Variants in PCDHGB7 observed in about 807,000 individuals in gnomAD.
The protein encoded by PCDHGB7 is protocadherin gamma subfamily B, 7, also known as protocadherin gamma-B7.
A neutral mutation model predicts 61.4 loss-of-function variants in PCDHGB7; 37 were observed. That is an observed-to-expected ratio of 0.60 (90% CI 0.46 to 0.79). The LOEUF is 0.79. Among genes scored for constraint, PCDHGB7 ranks in the 30% least tolerant of loss-of-function variants. PCDHGB7 has a pLI of 0.00. For missense variants in PCDHGB7, 1,166 were observed against 1,202.5 expected, an observed-to-expected ratio of 0.97 and a Z score of 0.45; for synonymous variants, 464 against 503.5, an observed-to-expected ratio of 0.92 and a Z score of 1.05.
chr5:141,481,970 A>G (rs2099549884), intron 1 of PCDHGB7, among the ~76,000 whole-genome samples: 1 of 151,510 alleles, frequency 6.6e-6, no homozygotes, highest in Non-Finnish European at 1.5e-5. Flanking sequence ...CTGTAGTCAC[A>G]GCTACTTGGG....
At chr5:141,431,000 A>G (rs1272572092) in intron 1 of PCDHGB7, 4 of 1,613,898 alleles carry the variant, frequency 2.5e-6, no homozygotes, top group African/African-American at 1.3e-5. Flanking sequence ...GAATCCGCGC[A>G]GCGGCAGCTT....
chr5:141,428,305 G>T (rs751498223), intron 1 of PCDHGB7: 8 of 694,348 alleles, frequency 1.2e-5, no homozygotes. Flanking sequence ...GATTTACCTG[G>T]TCGTGGCCTT....
chr5:141,441,672 GCCTTCGA>G (rs1327551430), intron 1 of PCDHGB7: 1 of 290,468 alleles, frequency 3.4e-6, no homozygotes, highest in Non-Finnish European at 6.8e-6. Flanking sequence ...CGCACAGTGC[GCCTTCGA>G]CCAAGAGCAG....
In PCDHGB7 at chr5:141,419,276, C is replaced by G. The variant is rs1361651445; in HGVS notation, c.1417C>G (p.Gln473Glu). ...CAACCAGCCGGGTGCCTCCATAGCG[C>G]AAGTCAGTGCCTCTGACCCAGACTT... is the stretch of plus-strand genomic sequence containing the variant. ...ENNQPGASIA[Q>E]VSASDPDFGL... The change falls in exon 1 of 4, where the codon CAA (glutamine) becomes GAA (glutamate). Residue 473 changes from glutamine to glutamate, a missense_variant. Coordinates refer to ENST00000398594, the MANE Select transcript of PCDHGB7 (RefSeq NM_018927.4). 6.2e-7 allele frequency: 1 copy of G among 1,613,920 alleles called. No individual in the cohort carries two copies. The highest frequency in any genetic ancestry group is 1.3e-5 in the African/African-American group (1 of 74,942).
At position 141,417,757 on chromosome 5, in the gene PCDHGB7, G is replaced by A; in HGVS notation, c.-103G>A. On this transcript the variant is annotated 5_prime_UTR_variant, in exon 1 of 4. Coordinates refer to ENST00000398594, the MANE Select transcript of PCDHGB7 (RefSeq NM_018927.4). Reference sequence around the variant, plus strand: ...CAGCACACCAGATTGCCAGCTCCGAGACCCGGGACTCCTCCTGTCCTGGGC... The same window carrying A: ...CAGCACACCAGATTGCCAGCTCCGAAACCCGGGACTCCTCCTGTCCTGGGC... The A allele has an allele frequency of 7.0e-7, 1 of 1,435,144 alleles. No individual in the cohort carries two copies. The highest frequency in any genetic ancestry group is 9.2e-7 in the Non-Finnish European group (1 of 1,090,762). The allele number at this position is 1,435,144 out of a possible 1,614,324, so 88.9% of individuals were successfully genotyped here.
chr5:141,447,164 G>T (rs2098528799), intron 1 of PCDHGB7, among the ~76,000 whole-genome samples: 1 of 151,766 alleles, frequency 6.6e-6, no homozygotes, highest in South Asian at 2.1e-4. Context: ...GTTTAAGCGG[G>T]GTCTTGCTCT....
At chr5:141,433,034 C>T in intron 1 of PCDHGB7, 1 of 1,614,184 alleles carries the variant, frequency 6.2e-7, no homozygotes. Flanking sequence ...CGAGGTTTCC[C>T]TCACCACGGA....
In PCDHGB7 at chr5:141,432,877, C is replaced by T. The variant is rs375043811; in HGVS notation, c.2415+12603C>T. 108 of 1,614,082 alleles carry T rather than the reference C, an allele frequency of 6.7e-5. No homozygotes were observed. Among genetic ancestry groups the T allele is most frequent in the Non-Finnish European group, 7.6e-5 (90 of 1,180,018 alleles). On this transcript the variant is annotated intron_variant, in intron 1 of 3. Coordinates refer to ENST00000398594, the MANE Select transcript of PCDHGB7 (RefSeq NM_018927.4). The surrounding 1 kb of genome is among the most constrained non-coding windows in gnomAD (Gnocchi z 6.0). Reference sequence around the variant, plus strand: ...CCGCGGTCTCCTGCGTCTTCCTGGCCTTCGTCATCTTGCTGCTGGCGCTCA... The same window carrying T: ...CCGCGGTCTCCTGCGTCTTCCTGGCTTTCGTCATCTTGCTGCTGGCGCTCA...
intron 1 of PCDHGB7, among the ~76,000 whole-genome samples, chr5:141,460,684 T>C (rs1417815686): frequency 6.6e-6 from 1 of 152,074 alleles, no homozygotes; most frequent in Non-Finnish European, 1.5e-5. Context: ...TATCTATATA[T>C]CCACCAACAG....
chr5:141,508,725 G>C (rs1447443196), intron 3 of PCDHGB7, among the ~76,000 whole-genome samples: 1 of 151,788 alleles, frequency 6.6e-6, no homozygotes, highest in Non-Finnish European at 1.5e-5. Flanking sequence ...TGTGCAGGGA[G>C]ACTACACCCC....
At chr5:141,451,779 G>T (rs1284464259) in intron 1 of PCDHGB7, among the ~76,000 whole-genome samples, 1 of 152,070 alleles carries the variant, frequency 6.6e-6, no homozygotes, top group Non-Finnish European at 1.5e-5. Flanking sequence ...TACTCAGGAG[G>T]CTGAGGCCAG....
At chr5:141,434,194 GTACT>G (rs527775432) in intron 1 of PCDHGB7, among the ~76,000 whole-genome samples, 169 of 152,308 alleles carry the variant, frequency 1.1e-3, no homozygotes, top group African/African-American at 3.9e-3. Flanking sequence ...TAATTCCAAT[GTACT>G]TACTTCTGTC....
chr5:141,423,085 G>A, intron 1 of PCDHGB7: 1 of 1,614,072 alleles, frequency 6.2e-7, no homozygotes, highest in Non-Finnish European at 8.5e-7. Flanking sequence ...ACTCTTCGCG[G>A]TGGGGGAGCA....
intron 2 of PCDHGB7, among the ~76,000 whole-genome samples, chr5:141,497,552 T>C (rs2099777669): frequency 6.6e-6 from 1 of 151,386 alleles, no homozygotes; most frequent in Non-Finnish European, 1.5e-5. Context: ...TTTTTTTTTT[T>C]TTTTTTAGAC....
chr5:141,425,956 C>T (rs1221085532), intron 1 of PCDHGB7, among the ~76,000 whole-genome samples: 1 of 152,244 alleles, frequency 6.6e-6, no homozygotes, highest in Non-Finnish European at 1.5e-5. Flanking sequence ...ATACATTAGT[C>T]CAACACATCA....
chr5:141,470,870 G>GT (rs1230952624), intron 1 of PCDHGB7, among the ~76,000 whole-genome samples: 1 of 151,546 alleles, frequency 6.6e-6, no homozygotes, highest in Non-Finnish European at 1.5e-5. Context: ...TTGTTTGTTT[G>GT]TTTTTTTGTT....
rs1308930168 is a variant in PCDHGB7, at chr5:141,489,620, A to G, written c.2416-5187A>G. 2.5e-6 allele frequency: 4 copies of G among 1,614,058 alleles called. No individual in the cohort carries two copies. Among genetic ancestry groups the G allele is most frequent in the South Asian group, 2.2e-5 (2 of 91,072 alleles). The stretch of plus-strand genomic sequence containing the variant: ...GTAGAGGTAGAGATCCTGGATCTCA[A>G]TGACAACTCTCCTAGCTTTGCCACC... On this transcript the variant is annotated intron_variant, in intron 1 of 3. Transcript: ENST00000398594. This position sits in a 1 kb window ranked among gnomAD's most constrained non-coding sequence, Gnocchi z 4.5.
chr5:141,494,100 G>A (rs559145191), intron 1 of PCDHGB7, among the ~76,000 whole-genome samples: 7 of 152,270 alleles, frequency 4.6e-5, no homozygotes, highest in South Asian at 2.1e-4. Flanking sequence ...ATTTTTCTCC[G>A]TCTCAGACAG....
Position 141,432,248 on chromosome 5 carries a change from C to T in PCDHGB7, c.2415+11974C>T. Reference sequence around the variant, plus strand: ...TTATTCCCTGGCTGAGAACACCATCCAAGGGGCAAGCCTATCGTCCTACGT... The same window carrying T: ...TTATTCCCTGGCTGAGAACACCATCTAAGGGGCAAGCCTATCGTCCTACGT... On this transcript the variant is annotated intron_variant, in intron 1 of 3. Transcript: ENST00000398594. This position sits in a 1 kb window ranked among gnomAD's most constrained non-coding sequence, Gnocchi z 6.0. 1.2e-6 allele frequency: 2 copies of T among 1,614,244 alleles called. No individual in the cohort carries two copies. Among genetic ancestry groups the T allele is most frequent in the South Asian group, 1.1e-5 (1 of 91,090 alleles).
Sources: allele counts gnomAD v4.1 joint callset (sites outside exome capture counted in the v4.1 genomes callset), GRCh38; gene constraint gnomAD v4.1.1; non-coding constraint Gnocchi (gnomAD v3.1); transcripts MANE v1.5; gene names NCBI Gene and HGNC (gene_info 2026-07-23, HGNC 2026-07-21).